Variants in PPME1 observed in about 807,000 individuals in gnomAD.
PPME1 encodes the protein testicular secretory protein Li 39.
Under a neutral mutation model 56.9 loss-of-function variants are expected in PPME1, and 17 were observed. That is an observed-to-expected ratio of 0.30 (90% CI 0.20 to 0.45). The LOEUF (loss-of-function observed/expected upper bound fraction) is 0.45, where lower values mean the gene tolerates loss of function less well. Ranked by LOEUF, PPME1 falls within the 20% of genes least tolerant of loss-of-function variation. The pLI is 1.00. For synonymous variants in PPME1, 122 were observed against 156.2 expected, an observed-to-expected ratio of 0.78 and a Z score of 1.63; for missense variants, 357 against 483.2, an observed-to-expected ratio of 0.74 and a Z score of 2.45.
intron 1 of PPME1, among the ~76,000 whole-genome samples, chr11:74,196,377 G>C (rs1857981903): frequency 6.6e-6 from 1 of 152,108 alleles, no homozygotes; most frequent in African/African-American, 2.4e-5. Flanking sequence ...GAGTTTTATA[G>C]TTTTAGCTCT....
At chr11:74,234,310 A>C (rs1324794372) in intron 7 of PPME1, among the ~76,000 whole-genome samples, 1 of 152,226 alleles carries the variant, frequency 6.6e-6, no homozygotes, top group African/African-American at 2.4e-5. Context: ...ACTAGAGATA[A>C]ATTGGAGAAT....
intron 1 of PPME1, among the ~76,000 whole-genome samples, chr11:74,188,190 CTTTTTTTT>C (rs557437447): frequency 7.3e-6 from 1 of 136,762 alleles, no homozygotes; most frequent in Non-Finnish European, 1.6e-5. Context: ...TCCTTTTTCT[CTTTTTTTT>C]TTTTTTTTGA....
intron 7 of PPME1, among the ~76,000 whole-genome samples, chr11:74,232,579 C>T (rs148288825): frequency 6.6e-6 from 1 of 152,146 alleles, no homozygotes; most frequent in African/African-American, 2.4e-5. Context: ...TGGCTTGTAT[C>T]TCAGGTGCCC....
At chr11:74,194,579 A>G (rs1857931299) in intron 1 of PPME1, among the ~76,000 whole-genome samples, 1 of 151,122 alleles carries the variant, frequency 6.6e-6, no homozygotes. Flanking sequence ...TAATTATTTA[A>G]TAATTATACA....
intron 1 of PPME1, among the ~76,000 whole-genome samples, chr11:74,176,721 C>CTTTTTTT (rs780832040): frequency 6.8e-5 from 7 of 102,196 alleles, no homozygotes; most frequent in East Asian, 2.6e-4. Flanking sequence ...GTGTAGTGTC[C>CTTTTTTT]TTTTTTTTTT....
chr11:74,234,454 G>A (rs900203429), intron 7 of PPME1, among the ~76,000 whole-genome samples: 3 of 152,116 alleles, frequency 2.0e-5, no homozygotes, highest in Non-Finnish European at 4.4e-5. Flanking sequence ...AGAAGAGGAA[G>A]ATCCAACAAA....
intron 13 of PPME1, among the ~76,000 whole-genome samples, chr11:74,252,239 G>GTTT (rs974162487): frequency 9.8e-5 from 11 of 112,344 alleles, no homozygotes; most frequent in East Asian, 2.7e-4. Context: ...GGCTAATTTT[G>GTTT]TTTTTTTTTT....
At chr11:74,235,576 C>G (rs938899639) in intron 7 of PPME1, 2 of 246,860 alleles carry the variant, frequency 8.1e-6, no homozygotes, top group African/African-American at 2.3e-5. Flanking sequence ...CAAGTGCTTT[C>G]TTTGAACCTT....
chr11:74,234,092 G>C (rs1442110250), intron 7 of PPME1, among the ~76,000 whole-genome samples: 1 of 152,222 alleles, frequency 6.6e-6, no homozygotes, highest in Non-Finnish European at 1.5e-5. Flanking sequence ...TGTTGGGAGA[G>C]AGACGGGGAA....
rs1415109435 is a variant in PPME1, at chr11:74,246,096, C to T, written c.855C>T (p.Tyr285=). 3.2e-6 allele frequency: 5 copies of T among 1,577,170 alleles called. No homozygotes were observed. The highest frequency in any genetic ancestry group is 4.3e-6 in the Non-Finnish European group (5 of 1,160,316). ...DDMETKKDHP[Y]TWRIELAKTE... ...TCCAGACCAAGAAAGACCATCCATA[C>T]ACCTGGAGAATTGAACTGGCAAAAA... The change falls in exon 10 of 14, where the codon TAC becomes TAT. Residue 285 remains tyrosine, a synonymous_variant. Coordinates refer to ENST00000328257, the MANE Select transcript of PPME1 (RefSeq NM_016147.3).
chr11:74,253,739 C>T lies in PPME1; in HGVS notation c.*229C>T. On this transcript the variant is annotated 3_prime_UTR_variant, in exon 14 of 14. Transcript: ENST00000328257. ...TCCCCAGTCCAGGGCTCCCCTGCTC[C>T]TTTCCCTTCCCTGTACTGGGGTAGC... is the stretch of plus-strand genomic sequence containing the variant. 1 of 605,370 alleles carries T rather than the reference C, an allele frequency of 1.7e-6. No individual in the cohort carries two copies. The highest frequency in any genetic ancestry group is 2.9e-6 in the Non-Finnish European group (1 of 340,014). The allele number at this position is 605,370 out of a possible 1,614,324, so 37.5% of individuals were successfully genotyped here. A position where few individuals can be genotyped will look rare whatever the true frequency, so the allele number is the denominator to read the frequency against.
rs550392851 is a variant in PPME1 at position 74,179,861 on chromosome 11, G to A, written c.101+8339G>A. Among the ~76,000 whole-genome samples the A allele has an allele frequency of 4.7e-4, 72 of 152,214 alleles. 1 individual carries two copies. Among genetic ancestry groups the A allele is most frequent in the African/African-American group, 1.7e-3 (70 of 41,540 alleles). On this transcript the variant is annotated intron_variant, in intron 1 of 13. Transcript: ENST00000328257. ...TAATAAGGACATTTTAAAAACAGTG[G>A]TGCCTTGATTTAAATAGCTGGCTGC...
intron 9 of PPME1, 21 bp downstream of exon 9, chr11:74,239,277 T>C: frequency 6.2e-7 from 1 of 1,609,284 alleles, no homozygotes; most frequent in Non-Finnish European, 8.5e-7. Flanking sequence ...ACATTCATTC[T>C]TGAAAAGATG....
chr11:74,203,630 C>G, intron 1 of PPME1, 98 bp from the exon 2 acceptor site: 1 of 760,658 alleles, frequency 1.3e-6, no homozygotes, highest in South Asian at 2.0e-5. Flanking sequence ...AATACCTTTG[C>G]TGTTTTCATT....
chr11:74,195,458 TGC>T, intron 1 of PPME1, among the ~76,000 whole-genome samples: 1 of 152,376 alleles, frequency 6.6e-6, no homozygotes, highest in South Asian at 2.1e-4. Flanking sequence ...TTATTTTCAC[TGC>T]TATGCTATAT....
intron 8 of PPME1, chr11:74,238,800 C>G (rs1463189677): frequency 1.2e-5 from 2 of 165,974 alleles, no homozygotes; most frequent in African/African-American, 4.8e-5. Context: ...TTAGGTGATG[C>G]TGGACAATTT....
At chr11:74,244,130 T>A (rs1317639359) in intron 9 of PPME1, among the ~76,000 whole-genome samples, 1 of 152,228 alleles carries the variant, frequency 6.6e-6, no homozygotes, top group African/African-American at 2.4e-5. Flanking sequence ...TATGGCTGAA[T>A]TATATATGTA....
chr11:74,210,760 C>T (rs970653306), intron 3 of PPME1, among the ~76,000 whole-genome samples: 9 of 152,190 alleles, frequency 5.9e-5, no homozygotes, highest in African/African-American at 1.9e-4. Context: ...ACTTCTTATA[C>T]AGCTTGCAGA....
intron 1 of PPME1, 136 bp from the exon 2 acceptor site, chr11:74,203,592 T>G (rs1228078917): frequency 1.9e-5 from 10 of 513,708 alleles, no homozygotes. Context: ...TGATACTTTG[T>G]GATGAACTCT....
Sources: gnomAD v4.1 joint callset for allele counts (sites outside exome capture counted in the v4.1 genomes callset) on GRCh38, gnomAD v4.1.1 for gene constraint, MANE v1.5 for transcripts, NCBI Gene and HGNC (gene_info 2026-07-23, HGNC 2026-07-21) for gene names.